The following DMD variants were observed in gnomAD, a reference collection of about 807,000 sequenced individuals.
DMD encodes the protein mutant dystrophin.
In DMD, 63 loss-of-function variants were observed where a neutral mutation model predicts 330.1. The ratio of observed to expected loss-of-function variants is 0.19; its 90% confidence interval spans 0.16 to 0.24. DMD has a LOEUF of 0.24. DMD is among the 10% of genes least tolerant of loss of function. The pLI is 1.00. For missense variants in DMD, 3,344 were observed against 2,684.1 expected, an observed-to-expected ratio of 1.25 and a Z score of -5.43; for synonymous variants, 1,223 against 959.8, an observed-to-expected ratio of 1.27 and a Z score of -5.07.
intron 60 of DMD, among the ~76,000 whole-genome samples, chrX:31,439,625 C>T (rs1289755616): frequency 1.8e-5 from 2 of 111,966 alleles, no homozygotes; most frequent in African/African-American, 6.5e-5. Flanking sequence ...TTCCTACAGT[C>T]AATAAAACAA....
At chrX:32,306,656 CCTT>C (rs2097541420) in intron 42 of DMD, among the ~76,000 whole-genome samples, 1 of 110,427 alleles carries the variant, frequency 9.1e-6, no homozygotes, top group Admixed American at 9.7e-5. Context: ...TTGTTTCTCT[CCTT>C]ATTTTATTTC....
At chrX:33,197,614 T>A (rs1347547634) in intron 1 of DMD, among the ~76,000 whole-genome samples, 1 of 112,063 alleles carries the variant, frequency 8.9e-6, no homozygotes, top group Non-Finnish European at 1.9e-5. Context: ...GCAACCAATA[T>A]CTGTTCTTAA....
intron 16 of DMD, among the ~76,000 whole-genome samples, chrX:32,560,201 T>C (rs984131598): frequency 9.3e-6 from 1 of 107,426 alleles, no homozygotes; most frequent in South Asian, 4.1e-4. Context: ...AAAAAATATA[T>C]ATATATATGC....
chrX:31,174,967 G>A (rs1429158366), intron 71 of DMD, among the ~76,000 whole-genome samples: 2 of 111,300 alleles, frequency 1.8e-5, no homozygotes, highest in Non-Finnish European at 3.8e-5. Flanking sequence ...GAAACAAAAC[G>A]ATGACTACTC....
chrX:33,328,186 GT>G (rs889491589), intron 1 of DMD, among the ~76,000 whole-genome samples: 1 of 110,479 alleles, frequency 9.1e-6, no homozygotes, highest in African/African-American at 3.3e-5. Context: ...GAACATATAG[GT>G]TTTTTTTGTT....
chrX:33,215,009 C>T (rs770578217), upstream of DMD, among the ~76,000 whole-genome samples: 31 of 111,763 alleles, frequency 2.8e-4, no homozygotes, highest in Non-Finnish European at 4.9e-4. Flanking sequence ...ATGTTATATG[C>T]TTGTTGGCCG....
chrX:33,233,975 C>T (rs1310117202), intron 1 of DMD, among the ~76,000 whole-genome samples: 2 of 111,835 alleles, frequency 1.8e-5, no homozygotes, highest in Non-Finnish European at 1.9e-5. Flanking sequence ...CTTAACTCTA[C>T]AACTCTTTGA....
intron 50 of DMD, among the ~76,000 whole-genome samples, chrX:31,783,993 A>G (rs2091162848): frequency 8.9e-6 from 1 of 112,192 alleles, no homozygotes; most frequent in Admixed American, 9.5e-5. Context: ...TAGGGAAAAC[A>G]TGATTACTAT....
At chrX:32,539,022 C>T (rs1379152036) in intron 17 of DMD, among the ~76,000 whole-genome samples, 2 of 111,427 alleles carry the variant, frequency 1.8e-5, no homozygotes, top group Non-Finnish European at 3.8e-5. Flanking sequence ...ATTCTCTGAT[C>T]CCATAGCATT....
At chrX:32,535,276 T>C (rs2148901405) in intron 17 of DMD, among the ~76,000 whole-genome samples, 1 of 111,812 alleles carries the variant, frequency 8.9e-6, no homozygotes, top group African/African-American at 3.3e-5. Flanking sequence ...TGCTCTCAGA[T>C]CTATTCCCCA....
At position 32,595,814 on chromosome X, in the gene DMD, C is replaced by A. The variant is rs141590890; in HGVS notation, c.1545G>T (p.Val515=). The change falls in exon 13 of 79, where the codon GTG becomes GTT. Residue 515 remains valine, a synonymous_variant. Coordinates refer to ENST00000357033, the MANE Select transcript of DMD (RefSeq NM_004006.3). ...VRVNSLTHMV[V]VVDESSGDHA... The stretch of plus-strand genomic sequence containing the variant: ...GATCTCCACTAGATTCATCAACTAC[C>A]ACCACCATGTGAGTGAGAGAATTGA... 8.3e-7 allele frequency: 1 copy of A among 1,203,558 alleles called. No individual in the cohort carries two copies.
chrX:32,956,337 A>T (rs1293721434), intron 2 of DMD, among the ~76,000 whole-genome samples: 1 of 111,392 alleles, frequency 9.0e-6, no homozygotes, highest in Non-Finnish European at 1.9e-5. Flanking sequence ...GTCATCTCTG[A>T]TTTCTTTGAG....
At chrX:31,986,693 A>G in intron 44 of DMD, among the ~76,000 whole-genome samples, 1 of 112,344 alleles carries the variant, frequency 8.9e-6, no homozygotes, top group Middle Eastern at 4.6e-3. Context: ...TACAGGCGTG[A>G]GCCACTGTGC....
chrX:32,444,371 AG>A (rs1260223845), intron 27 of DMD, among the ~76,000 whole-genome samples: 1 of 110,629 alleles, frequency 9.0e-6, no homozygotes, highest in Non-Finnish European at 1.9e-5. Context: ...AGAAAAAAAA[AG>A]ACAAAAATTC....
chrX:32,680,827 CAGTCAA>C (rs1318760919), intron 9 of DMD, among the ~76,000 whole-genome samples: 1 of 111,085 alleles, frequency 9.0e-6, no homozygotes, highest in Non-Finnish European at 1.9e-5. Context: ...CACACACACA[CAGTCAA>C]AGTTGTTTTG....
chrX:31,640,378 G>A (rs2079664505), intron 54 of DMD, among the ~76,000 whole-genome samples: 1 of 112,337 alleles, frequency 8.9e-6, no homozygotes, highest in Non-Finnish European at 1.9e-5. Flanking sequence ...ACTATTTTAA[G>A]TTTACCTAAG....
At chrX:32,425,642 T>A (rs1357415145) in intron 29 of DMD, among the ~76,000 whole-genome samples, 1 of 111,535 alleles carries the variant, frequency 9.0e-6, no homozygotes, top group Non-Finnish European at 1.9e-5. Flanking sequence ...ATCTCACAGT[T>A]GTTCCTCCTC....
At chrX:33,220,057 C>T (rs959476936) in intron 1 of DMD, among the ~76,000 whole-genome samples, 2 of 111,476 alleles carry the variant, frequency 1.8e-5, no homozygotes, top group Non-Finnish European at 3.8e-5. Flanking sequence ...TAGAAAAGGG[C>T]AGTCACTACC....
chrX:32,918,944 G>A (rs1475917019), intron 2 of DMD, among the ~76,000 whole-genome samples: 3 of 111,973 alleles, frequency 2.7e-5, no homozygotes, highest in Admixed American at 9.5e-5. Context: ...AATGTATCAC[G>A]GCAAAGATCA....
Sources: gnomAD v4.1 joint callset for allele counts (sites outside exome capture counted in the v4.1 genomes callset) on GRCh38, gnomAD v4.1.1 for gene constraint, MANE v1.5 for transcripts, NCBI Gene and HGNC (gene_info 2026-07-23, HGNC 2026-07-21) for gene names.